The following ATP8A1 variants were observed in gnomAD, a reference collection of about 807,000 sequenced individuals.
The protein encoded by ATP8A1 is phospholipid-transporting ATPase IA.
A neutral mutation model predicts 177.7 loss-of-function variants in ATP8A1; 90 were observed. The observed-to-expected ratio is 0.51, with a 90% confidence interval of 0.43 to 0.60. ATP8A1 has a LOEUF of 0.60. Ranked by LOEUF, ATP8A1 falls within the 20% of genes least tolerant of loss-of-function variation. The pLI is 0.00. For missense variants in ATP8A1, 1,072 were observed against 1,392.8 expected (o/e 0.77, Z 3.67); for synonymous variants, 493 against 485.9 (o/e 1.01, Z -0.19).
rs887251718 is a variant in ATP8A1, at chr4:42,505,898, C to T, written c.2086+1118G>A. Among the ~76,000 whole-genome samples, 6 of 152,244 alleles carry T rather than the reference C, an allele frequency of 3.9e-5. No individual in the cohort carries two copies. The South Asian group carries it at 1.0e-3, about 26-fold the overall frequency. On this transcript the variant is annotated intron_variant, in intron 23 of 36. Transcript: ENST00000381668. The stretch of plus-strand genomic sequence containing the variant: ...GTCAGGGTTTATAGTGCTCAAGCTA[C>T]CTACTTTTACTAAATTTGGTGAAAA...
intron 22 of ATP8A1, among the ~76,000 whole-genome samples, chr4:42,511,418 C>T (rs1724994108): frequency 6.6e-6 from 1 of 152,014 alleles, no homozygotes. Flanking sequence ...ATTCCCATGG[C>T]ATTTATGGAA....
At chr4:42,535,108 G>C (rs1727657852) in intron 20 of ATP8A1, among the ~76,000 whole-genome samples, 1 of 151,772 alleles carries the variant, frequency 6.6e-6, no homozygotes. Flanking sequence ...GAAAAAAAAA[G>C]GTATTCAGGC....
intron 22 of ATP8A1, among the ~76,000 whole-genome samples, chr4:42,511,739 A>T (rs548043015): frequency 6.6e-6 from 1 of 152,272 alleles, no homozygotes; most frequent in Admixed American, 6.5e-5. Flanking sequence ...TCCCCAATAC[A>T]TGTATATTTT....
chr4:42,443,947 C>A (rs949320468), intron 32 of ATP8A1, among the ~76,000 whole-genome samples: 18 of 152,036 alleles, frequency 1.2e-4, no homozygotes, highest in African/African-American at 4.4e-4. Flanking sequence ...CTTTTTTACC[C>A]CTGAACATTT....
chr4:42,647,428 A>G (rs2109570377), intron 1 of ATP8A1, among the ~76,000 whole-genome samples: 1 of 152,314 alleles, frequency 6.6e-6, no homozygotes, highest in South Asian at 2.1e-4. Context: ...AATGCCCACC[A>G]GATTTAGAAA....
intron 27 of ATP8A1, among the ~76,000 whole-genome samples, chr4:42,462,160 T>C (rs1366705954): frequency 5.9e-5 from 9 of 152,210 alleles, no homozygotes; most frequent in Non-Finnish European, 1.3e-4. Flanking sequence ...AAAATCTCAT[T>C]TTCTGAGGAG....
chr4:42,578,605 G>A (rs1253831814), intron 11 of ATP8A1, among the ~76,000 whole-genome samples: 1 of 152,066 alleles, frequency 6.6e-6, no homozygotes, highest in Non-Finnish European at 1.5e-5. Context: ...CTGTATAAAA[G>A]TACTAAGACA....
intron 1 of ATP8A1, among the ~76,000 whole-genome samples, chr4:42,654,156 C>T (rs1170316470): frequency 6.6e-6 from 1 of 152,202 alleles, no homozygotes; most frequent in Non-Finnish European, 1.5e-5. Context: ...GGGCTCATCT[C>T]AAATCACACC....
intron 24 of ATP8A1, among the ~76,000 whole-genome samples, chr4:42,491,983 A>G (rs893508095): frequency 6.6e-6 from 1 of 152,144 alleles, no homozygotes; most frequent in Non-Finnish European, 1.5e-5. Context: ...ATTATGGGTA[A>G]ATAGTCCGAC....
At chr4:42,590,994 AAT>A in intron 6 of ATP8A1, 110 bp from the exon 7 acceptor site, 1 of 954,908 alleles carries the variant, frequency 1.0e-6, no homozygotes, top group Non-Finnish European at 1.6e-6. Context: ...TATTATAGAA[AAT>A]AATACATGTT....
intron 23 of ATP8A1, 125 bp downstream of exon 23, chr4:42,506,891 G>T: frequency 8.5e-7 from 1 of 1,173,646 alleles, no homozygotes; most frequent in Non-Finnish European, 1.2e-6. Flanking sequence ...GGTGAAAAAA[G>T]ATTGGAATAT....
chr4:42,655,216 C>G (rs1560570034), intron 1 of ATP8A1, among the ~76,000 whole-genome samples: 1 of 152,208 alleles, frequency 6.6e-6, no homozygotes, highest in Non-Finnish European at 1.5e-5. Flanking sequence ...ACCATATGGG[C>G]CACAGTTTCC....
intron 1 of ATP8A1, among the ~76,000 whole-genome samples, chr4:42,629,888 C>G (rs1199913046): frequency 6.6e-6 from 1 of 152,156 alleles, no homozygotes; most frequent in African/African-American, 2.4e-5. Context: ...CTGGACTTAA[C>G]GTAAGTAACC....
At chr4:42,489,533 G>A (rs141894624) in intron 24 of ATP8A1, among the ~76,000 whole-genome samples, 253 of 152,204 alleles carry the variant, frequency 1.7e-3, no homozygotes, top group African/African-American at 5.2e-3. Flanking sequence ...GAATTCACTC[G>A]TCAGCCCACC....
chr4:42,561,237 T>C (rs1396930370), intron 15 of ATP8A1, among the ~76,000 whole-genome samples: 1 of 152,136 alleles, frequency 6.6e-6, no homozygotes, highest in Non-Finnish European at 1.5e-5. Flanking sequence ...AGGTGCGCAC[T>C]GGGCCTCGGG....
chr4:42,610,441 T>C (rs1400562403), intron 5 of ATP8A1, among the ~76,000 whole-genome samples: 1 of 152,054 alleles, frequency 6.6e-6, no homozygotes, highest in Non-Finnish European at 1.5e-5. Context: ...GGTTTAAATT[T>C]AAAAATAAAA....
intron 23 of ATP8A1, among the ~76,000 whole-genome samples, chr4:42,506,240 T>C (rs1322114341): frequency 6.6e-6 from 1 of 152,136 alleles, no homozygotes; most frequent in African/African-American, 2.4e-5. Flanking sequence ...GATGATTAGG[T>C]CATGAGAGCA....
chr4:42,418,931 G>A (rs550780584), intron 35 of ATP8A1, among the ~76,000 whole-genome samples: 25 of 152,202 alleles, frequency 1.6e-4, no homozygotes, highest in African/African-American at 6.0e-4. Context: ...TTGTTTTTCT[G>A]ACATTTGCAT....
At chr4:42,652,652 T>C (rs1045408995) in intron 1 of ATP8A1, among the ~76,000 whole-genome samples, 1 of 152,170 alleles carries the variant, frequency 6.6e-6, no homozygotes, top group African/African-American at 2.4e-5. Context: ...GGAAGAGACC[T>C]GGTGGGAGGT....
Sources: gnomAD v4.1 joint callset for allele counts (sites outside exome capture counted in the v4.1 genomes callset) on GRCh38, gnomAD v4.1.1 for gene constraint, MANE v1.5 for transcripts, NCBI Gene and HGNC (gene_info 2026-07-23, HGNC 2026-07-21) for gene names.